BLTP1: variants seen among roughly 807,000 people sequenced by gnomAD.
BLTP1 encodes the protein bridge-like lipid transfer protein family member 1.
At chr4:122,294,387 C>T in the BLTP1 span, among the ~76,000 whole-genome samples, 1 of 152,154 alleles carries the variant, frequency 6.6e-6, no homozygotes, top group Non-Finnish European at 1.5e-5. Flanking sequence ...GGGGCAGAGG[C>T]CCCAGAGGAA....
At chr4:122,194,620 C>T in the BLTP1 span, 5 of 978,534 alleles carry the variant, frequency 5.1e-6, no homozygotes, top group South Asian at 9.5e-5. Flanking sequence ...GTATTGTTTG[C>T]GAAGAAAAAA....
At chr4:122,216,146 C>T in the BLTP1 span, among the ~76,000 whole-genome samples, 1 of 141,272 alleles carries the variant, frequency 7.1e-6, no homozygotes, top group Non-Finnish European at 1.6e-5. Flanking sequence ...TATCTATCTA[C>T]CACATTTTCT....
chr4:122,207,561 G>C, the BLTP1 span: 1 of 1,593,246 alleles, frequency 6.3e-7, no homozygotes, highest in African/African-American at 1.4e-5. Flanking sequence ...AGCCTGTGGA[G>C]AAACACTAAA....
the BLTP1 span, among the ~76,000 whole-genome samples, chr4:122,228,161 C>T: frequency 6.6e-6 from 1 of 152,132 alleles, no homozygotes; most frequent in Non-Finnish European, 1.5e-5. Context: ...GATCCGCCTG[C>T]CTTTGCCTCC....
At chr4:122,167,753 C>G in the BLTP1 span, 1 of 985,430 alleles carries the variant, frequency 1.0e-6, no homozygotes, top group Non-Finnish European at 1.2e-6. Context: ...CTCTGACATC[C>G]AGCTCTAGGC....
the BLTP1 span, among the ~76,000 whole-genome samples, chr4:122,302,813 A>G: frequency 6.6e-6 from 1 of 152,238 alleles, no homozygotes. Flanking sequence ...ACCAGCCACA[A>G]CATTCCCCTA....
the BLTP1 span, chr4:122,292,260 GC>G: frequency 2.6e-6 from 2 of 769,324 alleles, no homozygotes; most frequent in Non-Finnish European, 3.2e-6. Context: ...GAGCCACTGT[GC>G]CCAGCCCATC....
the BLTP1 span, chr4:122,305,761 A>G: frequency 7.4e-7 from 1 of 1,358,850 alleles, no homozygotes; most frequent in Non-Finnish European, 9.6e-7. Flanking sequence ...TTAACAGCTG[A>G]ATTTGAGAAA....
chr4:122,227,613 C>A, the BLTP1 span: 1 of 281,506 alleles, frequency 3.6e-6, no homozygotes, highest in Non-Finnish European at 5.4e-6. Flanking sequence ...TTTTGTTCTT[C>A]TGCTATACAA....
At chr4:122,259,897 A>G in the BLTP1 span, 6 of 936,666 alleles carry the variant, frequency 6.4e-6, no homozygotes, top group African/African-American at 3.6e-5. Flanking sequence ...AAGTCTGTGT[A>G]TAGACTCACA....
the BLTP1 span, chr4:122,318,342 C>A: frequency 8.4e-7 from 1 of 1,189,960 alleles, no homozygotes; most frequent in Non-Finnish European, 1.2e-6. Flanking sequence ...CTACTGCGTA[C>A]CAGGTACCAT....
the BLTP1 span, chr4:122,325,963 C>A: frequency 1.9e-6 from 1 of 520,546 alleles, no homozygotes; most frequent in Non-Finnish European, 3.1e-6. Flanking sequence ...ACTAATCAAC[C>A]ACACTGAAAA....
chr4:122,238,165 G>T, the BLTP1 span: 1 of 1,613,984 alleles, frequency 6.2e-7, no homozygotes, highest in South Asian at 1.1e-5. Flanking sequence ...GAAAAACTCA[G>T]CACCTTAGTC....
the BLTP1 span, chr4:122,189,333 AGTT>A: frequency 1.0e-6 from 1 of 981,430 alleles, no homozygotes; most frequent in African/African-American, 1.7e-5. Flanking sequence ...CAAAGAGAAA[AGTT>A]GTTTAATCAA....
At chr4:122,200,559 A>G in the BLTP1 span, 3 of 967,916 alleles carry the variant, frequency 3.1e-6, no homozygotes, top group Admixed American at 7.1e-5. Context: ...AGCTTGGGCA[A>G]TAGAGTGAGA....
chr4:122,199,315 G>A, the BLTP1 span: 4 of 1,598,720 alleles, frequency 2.5e-6, no homozygotes, highest in Non-Finnish European at 3.4e-6. Context: ...GTTTCATTTT[G>A]TAATTGTTTT....
At chr4:122,353,746 G>A in the BLTP1 span, 1 of 1,512,088 alleles carries the variant, frequency 6.6e-7, no homozygotes, top group Non-Finnish European at 8.9e-7. This position sits in a 1 kb window ranked among gnomAD's most constrained non-coding sequence, Gnocchi z 4.3. Context: ...TAGCTCTGAG[G>A]CCACAATTAT....
chr4:122,271,759 T>G, the BLTP1 span: 1 of 1,369,164 alleles, frequency 7.3e-7, no homozygotes, highest in Non-Finnish European at 9.9e-7. Context: ...AAATTTCCAT[T>G]TACAATAACA....
the BLTP1 span, among the ~76,000 whole-genome samples, chr4:122,201,528 C>T: frequency 4.4e-3 from 672 of 152,206 alleles, no homozygotes; most frequent in Non-Finnish European, 8.0e-3. Flanking sequence ...TATTTTTATA[C>T]TTGGAGCCCT....
Sources: allele counts gnomAD v4.1 joint callset (sites outside exome capture counted in the v4.1 genomes callset), GRCh38; gene constraint gnomAD v4.1.1; non-coding constraint Gnocchi (gnomAD v3.1); transcripts MANE v1.5; gene names NCBI Gene and HGNC (gene_info 2026-07-23, HGNC 2026-07-21).